The following GRIP1 variants were observed in gnomAD, a reference collection of about 807,000 sequenced individuals.
GRIP1 encodes glutamate receptor interacting protein 1.
In GRIP1, 45 loss-of-function variants were observed where a neutral mutation model predicts 129.9. That is an observed-to-expected ratio of 0.35 (90% confidence interval 0.27 to 0.44). The LOEUF (loss-of-function observed/expected upper bound fraction) is 0.44, where lower values mean the gene tolerates loss of function less well. Ranked by LOEUF, GRIP1 falls within the 20% of genes least tolerant of loss-of-function variation. GRIP1 has a pLI of 1.00. For missense variants in GRIP1, 1,196 were observed against 1,396.8 expected (o/e 0.86, Z 2.29); for synonymous variants, 530 against 520.8 (o/e 1.02, Z -0.24).
At chr12:66,973,919 CTTTTTTTTTTT>C (rs535699240) in intron 1 of GRIP1, among the ~76,000 whole-genome samples, 1 of 121,358 alleles carries the variant, frequency 8.2e-6, no homozygotes, top group Non-Finnish European at 1.7e-5. Context: ...CTTTTCTTTT[CTTTTTTTTTTT>C]TTTTTTTGAG....
intron 15 of GRIP1, 124 bp from the exon 16 acceptor site, chr12:66,406,552 A>T (rs2057197048): frequency 4.2e-6 from 4 of 963,014 alleles, no homozygotes. Flanking sequence ...AACTGTTTTT[A>T]AATTGTACTT....
rs1289618040 is a variant in GRIP1 at position 66,555,554 on chromosome 12, C to G, written c.137-13604G>C. Among the ~76,000 whole-genome samples, 3 of 152,136 alleles carry G rather than the reference C, an allele frequency of 2.0e-5. No homozygotes were observed. The East Asian group carries it at 5.8e-4, about 29-fold the overall frequency. On this transcript the variant is annotated intron_variant, in intron 2 of 24. Transcript: ENST00000359742. ...TCAAGACCATCTAAAAACATGACCT[C>G]ATCAACTGAATAACATAAGGCACCA...
At chr12:66,545,968 A>C (rs1592525260) in intron 2 of GRIP1, among the ~76,000 whole-genome samples, 1 of 152,182 alleles carries the variant, frequency 6.6e-6, no homozygotes, top group East Asian at 1.9e-4. Flanking sequence ...TGGAGAGACA[A>C]ACATGTGCAT....
At chr12:66,439,521 T>TGTAGC (rs944418412) in intron 13 of GRIP1, among the ~76,000 whole-genome samples, 3 of 151,936 alleles carry the variant, frequency 2.0e-5, no homozygotes, top group African/African-American at 7.3e-5. Flanking sequence ...AACACAGTAG[T>TGTAGC]GTAGTGTAGT....
chr12:66,501,891 C>T (rs554830561), intron 7 of GRIP1, among the ~76,000 whole-genome samples: 2 of 152,266 alleles, frequency 1.3e-5, no homozygotes, highest in South Asian at 4.2e-4. Flanking sequence ...GTTGGCTTTA[C>T]ACCTACTGTG....
chr12:66,513,368 G>A (rs906129288), intron 7 of GRIP1, among the ~76,000 whole-genome samples: 194 of 152,110 alleles, frequency 1.3e-3, no homozygotes, highest in African/African-American at 4.5e-3. Context: ...CCTCAAAGAT[G>A]CTTTTTTTGC....
At chr12:66,462,225 C>T (rs947024388) in intron 9 of GRIP1, among the ~76,000 whole-genome samples, 6 of 152,182 alleles carry the variant, frequency 3.9e-5, no homozygotes, top group Admixed American at 6.5e-5. Flanking sequence ...AAAAAAACTC[C>T]ACTGGCAAAA....
At position 66,723,304 on chromosome 12, in the gene GRIP1, CTTTT is replaced by C. The variant is rs57938064; in HGVS notation, c.-420+80745_-420+80748del. ...CCTTCCTTTCTTTCTTTCTTTCTTT[CTTTT>C]TTTTTTTTTTTTTTTTTTTTTTGAG... is the stretch of plus-strand genomic sequence containing the variant. On this transcript the variant is annotated intron_variant, in intron 1 of 4. Transcript: ENST00000538373. Among the ~76,000 whole-genome samples, 36 of 58,402 alleles carry C rather than the reference CTTTT, an allele frequency of 6.2e-4. 1 individual carries two copies. Among genetic ancestry groups the C allele is most frequent in the African/African-American group, 1.7e-3 (20 of 11,786 alleles). 38.3% of individuals were successfully genotyped at this position (58,402 alleles called of 152,430 possible). A position where few individuals can be genotyped will look rare whatever the true frequency, so the allele number is the denominator to read the frequency against.
At chr12:66,628,502 T>C (rs2030367506) in intron 1 of GRIP1, among the ~76,000 whole-genome samples, 1 of 152,352 alleles carries the variant, frequency 6.6e-6, no homozygotes, top group Middle Eastern at 3.4e-3. Flanking sequence ...CCAGCCCTTT[T>C]AGTCCTGTTA....
Position 66,451,383 on chromosome 12 carries a change from G to GTTTTTTTTTTTTTTTTTT in GRIP1, c.1354+4008_1354+4025dup, listed in dbSNP as rs1169331519. 1.6e-4 allele frequency among the ~76,000 whole-genome samples: 7 copies of GTTTTTTTTTTTTTTTTTT among 42,654 alleles called. 2 individuals are homozygous for GTTTTTTTTTTTTTTTTTT. Among genetic ancestry groups the GTTTTTTTTTTTTTTTTTT allele is most frequent in the Admixed American group, 9.5e-4 (3 of 3,150 alleles). 28.0% of individuals were successfully genotyped at this position (42,654 alleles called of 152,430 possible). A position where few individuals can be genotyped will look rare whatever the true frequency, so the allele number is the denominator to read the frequency against. ...CCCCAAAGATTTATTATTATAATCTGTTTTTTTTTTTTTTTTTTTTTTTTT... is the reference window on the plus strand; with the variant it reads ...CCCCAAAGATTTATTATTATAATCTGTTTTTTTTTTTTTTTTTTTTTTTTTTTTTTTTTTTTTTTTTTT... On this transcript the variant is annotated intron_variant, in intron 11 of 24. Coordinates refer to ENST00000359742, the MANE Select transcript of GRIP1 (RefSeq NM_001366722.1).
chr12:66,760,375 C>T (rs2037435101), intron 1 of GRIP1, among the ~76,000 whole-genome samples: 1 of 152,114 alleles, frequency 6.6e-6, no homozygotes, highest in South Asian at 2.1e-4. Context: ...TAAAAACAAA[C>T]CCCAAACAGG....
chr12:66,658,759 G>A (rs1255371512), intron 1 of GRIP1, among the ~76,000 whole-genome samples: 1 of 151,352 alleles, frequency 6.6e-6, no homozygotes, highest in African/African-American at 2.4e-5. Flanking sequence ...AATAAAATAA[G>A]ATAAAATAAA....
intron 1 of GRIP1, among the ~76,000 whole-genome samples, chr12:66,943,770 T>C (rs1433999435): frequency 6.6e-6 from 1 of 152,202 alleles, no homozygotes; most frequent in African/African-American, 2.4e-5. Context: ...CTGTGGTCCC[T>C]AAAAATGCAA....
intron 1 of GRIP1, among the ~76,000 whole-genome samples, chr12:66,793,674 A>T (rs1286960664): frequency 6.6e-6 from 1 of 152,108 alleles, no homozygotes; most frequent in Non-Finnish European, 1.5e-5. Context: ...CATCACGAGG[A>T]TGGAGGCTGC....
chr12:66,421,589 A>AT (rs1471754026), intron 14 of GRIP1, among the ~76,000 whole-genome samples: 56 of 151,890 alleles, frequency 3.7e-4, no homozygotes, highest in African/African-American at 1.3e-3. Flanking sequence ...TCACAAGGAA[A>AT]TCTTTTGCTA....
chr12:66,961,436 ATT>A (rs900475663), intron 1 of GRIP1, among the ~76,000 whole-genome samples: 7 of 152,168 alleles, frequency 4.6e-5, no homozygotes, highest in African/African-American at 1.7e-4. Context: ...AGAGTTTGCT[ATT>A]TGGATTTTAT....
intron 1 of GRIP1, among the ~76,000 whole-genome samples, chr12:67,027,449 C>T (rs1295837848): frequency 2.0e-5 from 3 of 152,222 alleles, no homozygotes; most frequent in Non-Finnish European, 4.4e-5. Context: ...ATAAATATTA[C>T]TTACTGAGTG....
intron 7 of GRIP1, among the ~76,000 whole-genome samples, chr12:66,494,388 T>G (rs1355397056): frequency 6.6e-6 from 1 of 152,244 alleles, no homozygotes; most frequent in African/African-American, 2.4e-5. Flanking sequence ...ATATTTGTTC[T>G]GCCTTCAAAA....
At chr12:66,938,212 C>T (rs1448897847) in intron 1 of GRIP1, among the ~76,000 whole-genome samples, 1 of 151,930 alleles carries the variant, frequency 6.6e-6, no homozygotes, top group Non-Finnish European at 1.5e-5. Context: ...ACTGTCTCTA[C>T]TAAAAATACA....
Sources: gnomAD v4.1 joint callset for allele counts (sites outside exome capture counted in the v4.1 genomes callset) on GRCh38, gnomAD v4.1.1 for gene constraint, MANE v1.5 for transcripts, NCBI Gene and HGNC (gene_info 2026-07-23, HGNC 2026-07-21) for gene names.